Variants in COL4A4 observed in about 807,000 individuals in gnomAD.
The protein encoded by COL4A4 is collagen type IV alpha 4 chain.
A neutral mutation model predicts 192.9 loss-of-function variants in COL4A4; 105 were observed. That is an observed-to-expected ratio of 0.54 (90% CI 0.46 to 0.64). The LOEUF (loss-of-function observed/expected upper bound fraction) is 0.64. Ranked by LOEUF, COL4A4 falls within the 30% of genes least tolerant of loss-of-function variation. The pLI is 0.00. For missense variants in COL4A4, 1,967 were observed against 2,169.3 expected (o/e 0.91, Z 1.85); for synonymous variants, 762 against 769.9 (o/e 0.99, Z 0.17).
chr2:227,035,017 A>G (rs1223420344), intron 37 of COL4A4, among the ~76,000 whole-genome samples: 1 of 151,936 alleles, frequency 6.6e-6, no homozygotes, highest in Non-Finnish European at 1.5e-5. Context: ...CCATCAGCTT[A>G]TAAGGTTGAA....
chr2:227,037,726 C>G (rs565805669), intron 37 of COL4A4, among the ~76,000 whole-genome samples: 2 of 152,288 alleles, frequency 1.3e-5, no homozygotes, highest in South Asian at 4.1e-4. Flanking sequence ...ATTCCTATTT[C>G]TCCACATCCT....
intron 19 of COL4A4, among the ~76,000 whole-genome samples, chr2:227,095,366 G>C (rs1326223967): frequency 6.6e-6 from 1 of 152,130 alleles, no homozygotes; most frequent in African/African-American, 2.4e-5. Flanking sequence ...TGTAGCAGGG[G>C]ACCTTAAGCA....
chr2:227,096,130 G>A (rs1356154827), intron 19 of COL4A4, among the ~76,000 whole-genome samples: 1 of 152,130 alleles, frequency 6.6e-6, no homozygotes, highest in Non-Finnish European at 1.5e-5. Context: ...TAGAAAAGAT[G>A]ATTCAGCTTC....
intron 2 of COL4A4, 103 bp downstream of exon 2, chr2:227,147,310 T>C (rs757114621): frequency 2.8e-6 from 3 of 1,058,754 alleles, no homozygotes; most frequent in Admixed American, 3.4e-5. Context: ...TGGAATGATT[T>C]GGCTTTTTGA....
chr2:227,132,291 A>G (rs1001144744), intron 4 of COL4A4, among the ~76,000 whole-genome samples: 1 of 152,068 alleles, frequency 6.6e-6, no homozygotes, highest in Non-Finnish European at 1.5e-5. Context: ...GCAGCCAGAA[A>G]TAGTGGCCGG....
chr2:227,149,779 G>C (rs1292207813), intron 1 of COL4A4, among the ~76,000 whole-genome samples: 1 of 152,164 alleles, frequency 6.6e-6, no homozygotes, highest in Admixed American at 6.5e-5. Context: ...GTGTTGTTGT[G>C]GTCACGTTCC....
At chr2:227,095,473 C>G (rs998831438) in intron 19 of COL4A4, among the ~76,000 whole-genome samples, 1 of 152,156 alleles carries the variant, frequency 6.6e-6, no homozygotes, top group Non-Finnish European at 1.5e-5. Context: ...AGTGTAACAT[C>G]CAGCAAGAGC....
chr2:227,147,616 A>C (rs2063632751), intron 1 of COL4A4, 32 bp from the exon 2 acceptor site: 1 of 749,320 alleles, frequency 1.3e-6, no homozygotes, highest in African/African-American at 1.7e-5. Context: ...CTTAAAACAC[A>C]GCATGCATTA....
Position 227,151,619 on chromosome 2 carries a change from G to T in COL4A4, c.-101-4035C>A, listed in dbSNP as rs112571337. 5.3e-5 allele frequency among the ~76,000 whole-genome samples: 8 copies of T among 152,260 alleles called. No homozygotes were observed. The South Asian group carries it at 1.7e-3, about 32-fold the overall frequency. ...TTCTCTTGAGTAGTAAACTGCCATG[G>T]TCTGAATGTTTGTGTCCTGCACCTC... On this transcript the variant is annotated intron_variant, in intron 1 of 47. Coordinates refer to ENST00000396625, the MANE Select transcript of COL4A4 (RefSeq NM_000092.5).
chr2:227,040,122 G>T (rs2150053591), intron 37 of COL4A4, among the ~76,000 whole-genome samples: 1 of 152,320 alleles, frequency 6.6e-6, no homozygotes, highest in Admixed American at 6.5e-5. Flanking sequence ...AATCGTATTT[G>T]AATTTTCAAA....
In COL4A4 at chr2:227,118,714, G is replaced by T. The variant is rs373582793; in HGVS notation, c.420C>A (p.Gly140=). The T allele has an allele frequency of 6.2e-7, 1 of 1,613,948 alleles. No homozygotes were observed. Among genetic ancestry groups the T allele is most frequent in the African/African-American group, 1.3e-5 (1 of 75,042 alleles). The stretch of plus-strand genomic sequence containing the variant: ...CTGGGTCACCTCTTGAGCCATTGTG[G>T]CCACTCATACCAGGTTTGCCTCTGG... ...PGPRGKPGMS[G]HNGSRGDPGF... is the part of the protein sequence containing the mutation. The change falls in exon 7 of 48, where the codon GGC becomes GGA. Residue 140 remains glycine, a synonymous_variant. Transcript: ENST00000396625.
At chr2:227,141,760 T>C (rs536846014) in intron 3 of COL4A4, among the ~76,000 whole-genome samples, 1 of 152,246 alleles carries the variant, frequency 6.6e-6, no homozygotes, top group South Asian at 2.1e-4. Context: ...TTTTGAGTAA[T>C]GTTGTTATCT....
At chr2:227,109,671 A>G (rs893615630) in intron 9 of COL4A4, among the ~76,000 whole-genome samples, 12 of 151,770 alleles carry the variant, frequency 7.9e-5, no homozygotes, top group African/African-American at 2.9e-4. Flanking sequence ...CGCTTGAACC[A>G]GGGAATCGGA....
At chr2:227,094,820 A>T (rs978910935) in intron 19 of COL4A4, among the ~76,000 whole-genome samples, 1 of 152,192 alleles carries the variant, frequency 6.6e-6, no homozygotes, top group African/African-American at 2.4e-5. Flanking sequence ...GTGTATCTTA[A>T]ATATAAACAA....
At chr2:227,063,524 C>T (rs942595584) in intron 25 of COL4A4, among the ~76,000 whole-genome samples, 10 of 152,054 alleles carry the variant, frequency 6.6e-5, no homozygotes, top group Non-Finnish European at 1.5e-4. Flanking sequence ...TGTTCTAAAA[C>T]TTCACAACTA....
At chr2:227,066,127 G>A (rs6716623) in intron 25 of COL4A4, among the ~76,000 whole-genome samples, 2,114 of 152,170 alleles carry the variant, frequency 0.014, 48 homozygotes, top group African/African-American at 0.048. Context: ...GGGTATCAGC[G>A]ATGGAAGATG....
chr2:227,045,803 T>TATATATATATATACAC (rs1363829523), intron 35 of COL4A4, among the ~76,000 whole-genome samples: 1 of 42,220 alleles, frequency 2.4e-5, no homozygotes, highest in Non-Finnish European at 4.3e-5. Flanking sequence ...TATATACACA[T>TATATATATATATACAC]ATATATATAT....
rs758940930 is a variant in COL4A4 at position 227,033,419 on chromosome 2, C to A, written c.3568G>T (p.Gly1190Cys). ...HGLKGQKGTKGASGLHDVGPP... is the reference protein window; with the variant it reads ...HGLKGQKGTKCASGLHDVGPP... ...TCGATTAGGTGCTTACCTGAAGCACCTTTAGTTCCTTTCTGACCTTTCAAT... is the reference window on the plus strand; with the variant it reads ...TCGATTAGGTGCTTACCTGAAGCACATTTAGTTCCTTTCTGACCTTTCAAT... The change falls in exon 38 of 48, where the codon GGT (glycine) becomes TGT (cysteine). Residue 1190 changes from glycine to cysteine, a missense_variant. Transcript: ENST00000396625. 1.2e-6 allele frequency: 2 copies of A among 1,613,276 alleles called. No homozygotes were observed. The highest frequency in any genetic ancestry group is 1.1e-5 in the South Asian group (1 of 91,072).
intron 1 of COL4A4, among the ~76,000 whole-genome samples, chr2:227,158,462 GA>G (rs1449430086): frequency 2.6e-5 from 4 of 151,706 alleles, no homozygotes; most frequent in South Asian, 2.1e-4. Flanking sequence ...AATCACAAAA[GA>G]AAAAAATTAT....
Sources: gnomAD v4.1 joint callset for allele counts (sites outside exome capture counted in the v4.1 genomes callset) on GRCh38, gnomAD v4.1.1 for gene constraint, MANE v1.5 for transcripts, NCBI Gene and HGNC (gene_info 2026-07-23, HGNC 2026-07-21) for gene names.